Variants in FAM13B observed in about 807,000 individuals in gnomAD.
FAM13B encodes the protein family with sequence similarity 13 member B, also known as protein FAM13B.
FAM13B carries 60 observed loss-of-function variants against 117.3 expected under a neutral mutation model. The ratio of observed to expected loss-of-function variants is 0.51; its 90% confidence interval spans 0.42 to 0.63. The LOEUF is 0.63. Among genes scored for constraint, FAM13B ranks in the 30% least tolerant of loss-of-function variants. The pLI is 0.00. For missense variants in FAM13B, 972 were observed against 1,091.9 expected (o/e 0.89, Z 1.55); for synonymous variants, 332 against 356.1 (o/e 0.93, Z 0.76).
In FAM13B at chr5:137,946,222, T is replaced by G. The variant is rs766873343; in HGVS notation, c.2244+6A>C. 4.4e-6 allele frequency: 7 copies of G among 1,576,112 alleles called. No homozygotes were observed. Among genetic ancestry groups the G allele is most frequent in the East Asian group, 2.2e-5 (1 of 44,592 alleles). Reference sequence around the variant, plus strand: ...AATCAAATCTTTTTAGCAAGAGAGATATTACCGGCCTTCCATGTTGACTTT... The same window carrying G: ...AATCAAATCTTTTTAGCAAGAGAGAGATTACCGGCCTTCCATGTTGACTTT... On this transcript the variant is annotated splice_donor_region_variant and intron_variant, in intron 19 of 23. Transcript: ENST00000689681.
rs1288247257 is a variant in FAM13B, at chr5:137,999,524, C to T, written c.848+7466G>A. 2.0e-5 allele frequency among the ~76,000 whole-genome samples: 3 copies of T among 151,852 alleles called. No homozygotes were observed. The East Asian group carries it at 5.8e-4, about 29-fold the overall frequency. Reference sequence around the variant, plus strand: ...CCAGGAGGCGGAGGCTGCAGTGAGCCGAGATCACACCACTGCACTCCAGCC... The same window carrying T: ...CCAGGAGGCGGAGGCTGCAGTGAGCTGAGATCACACCACTGCACTCCAGCC... On this transcript the variant is annotated intron_variant, in intron 7 of 23. Transcript: ENST00000689681.
intron 7 of FAM13B, among the ~76,000 whole-genome samples, chr5:138,000,950 A>C (rs1242286193): frequency 6.6e-6 from 1 of 151,800 alleles, no homozygotes; most frequent in African/African-American, 2.4e-5. Flanking sequence ...AAACAAAAAA[A>C]AAAAAAACAG....
At chr5:137,967,460 T>G (rs1397101762) in intron 10 of FAM13B, among the ~76,000 whole-genome samples, 1 of 151,728 alleles carries the variant, frequency 6.6e-6, no homozygotes, top group Non-Finnish European at 1.5e-5. Context: ...GAGGCGGAGG[T>G]TGCAGTGGGC....
intron 4 of FAM13B, among the ~76,000 whole-genome samples, chr5:138,014,429 G>A (rs1784791116): frequency 6.6e-6 from 1 of 152,200 alleles, no homozygotes; most frequent in Non-Finnish European, 1.5e-5. Flanking sequence ...TGTGAACTAT[G>A]CATGCAAGGG....
At chr5:137,950,713 TGCA>T (rs1409902425) in intron 17 of FAM13B, among the ~76,000 whole-genome samples, 2 of 151,868 alleles carry the variant, frequency 1.3e-5, no homozygotes, top group African/African-American at 4.8e-5. Context: ...CTGACTACCA[TGCA>T]GCAGACGGAC....
chr5:138,001,067 T>C (rs1781146197), intron 7 of FAM13B, among the ~76,000 whole-genome samples: 1 of 152,136 alleles, frequency 6.6e-6, no homozygotes, highest in Non-Finnish European at 1.5e-5. Flanking sequence ...CACATTAACA[T>C]AAGCTCATTG....
intron 10 of FAM13B, among the ~76,000 whole-genome samples, chr5:137,978,162 G>C (rs1210986424): frequency 6.6e-6 from 1 of 151,234 alleles, no homozygotes; most frequent in African/African-American, 2.4e-5. Flanking sequence ...CCTATGATAT[G>C]GATATACTAT....
At chr5:138,038,888 C>G in intron 1 of FAM13B, among the ~76,000 whole-genome samples, 1 of 152,292 alleles carries the variant, frequency 6.6e-6, no homozygotes, top group South Asian at 2.1e-4. Context: ...CCTGGAAAAG[C>G]TTCATCTTAC....
intron 17 of FAM13B, among the ~76,000 whole-genome samples, chr5:137,952,295 T>C (rs1765253765): frequency 6.6e-6 from 1 of 152,054 alleles, no homozygotes; most frequent in Non-Finnish European, 1.5e-5. Flanking sequence ...CCAACAAAAC[T>C]CAAAGCTGCT....
At chr5:137,978,466 G>T (rs1774671087) in intron 10 of FAM13B, among the ~76,000 whole-genome samples, 1 of 150,880 alleles carries the variant, frequency 6.6e-6, no homozygotes, top group Non-Finnish European at 1.5e-5. Context: ...ATTGTTCCTG[G>T]GTATTCTTAA....
At chr5:137,954,479 T>C (rs1259519089) in intron 14 of FAM13B, 103 bp from the exon 15 acceptor site, 6 of 746,070 alleles carry the variant, frequency 8.0e-6, no homozygotes, top group East Asian at 2.7e-5. Flanking sequence ...TATCATTATG[T>C]AGTGGTTCAT....
In FAM13B at chr5:138,032,947, AGC is replaced by A. The variant is rs1267176939; in HGVS notation, c.-370_-369del. 3.0e-5 allele frequency: 30 copies of A among 985,902 alleles called. No homozygotes were observed. Among genetic ancestry groups the A allele is most frequent in the African/African-American group, 3.5e-5 (2 of 57,238 alleles). 61.1% of individuals were successfully genotyped at this position (985,902 alleles called of 1,614,324 possible). A position where few individuals can be genotyped will look rare whatever the true frequency, so the allele number is the denominator to read the frequency against. On this transcript the variant is annotated 5_prime_UTR_variant, in exon 1 of 24. Coordinates refer to ENST00000689681, the MANE Select transcript of FAM13B (RefSeq NM_001385994.1). ...AAAGCTACGGCTGTGGCGCGGGGCC[AGC>A]CCGGTAAGCGACCCCCCGGATACCC...
chr5:138,030,113 A>G (rs1789502631), intron 1 of FAM13B, among the ~76,000 whole-genome samples: 1 of 152,134 alleles, frequency 6.6e-6, no homozygotes, highest in Admixed American at 6.6e-5. Flanking sequence ...ACACTCTCCC[A>G]CGCTTCCTCC....
intron 1 of FAM13B, among the ~76,000 whole-genome samples, chr5:138,041,046 A>G (rs1423713584): frequency 1.3e-5 from 2 of 149,982 alleles, no homozygotes; most frequent in East Asian, 4.0e-4. Flanking sequence ...CCTAGGCAAC[A>G]GAGCAAGACT....
upstream of FAM13B, chr5:138,036,186 T>C (rs1210990136): frequency 5.7e-6 from 2 of 353,046 alleles, no homozygotes; most frequent in African/African-American, 4.3e-5. Flanking sequence ...TTTTAATGTT[T>C]TTCCAGCAGG....
chr5:138,033,653 G>C (rs956742072), upstream of FAM13B: 15 of 152,360 alleles, frequency 9.8e-5, no homozygotes, highest in Non-Finnish European at 2.1e-4. Flanking sequence ...CGGGCTTACA[G>C]GGAGCTTCGT....
rs189989443 is a variant in FAM13B at position 137,964,182 on chromosome 5, C to T, written c.1180-1713G>A. Among the ~76,000 whole-genome samples, 166 of 152,228 alleles carry T rather than the reference C, an allele frequency of 1.1e-3. 1 individual carries two copies. In the East Asian group the frequency reaches 0.013, roughly 12 times the overall value. ...AAGCGATTCTCCTGCCTCAGCCTCC[C>T]GAGTAGCTGGGACTACAGGTGTGGT... On this transcript the variant is annotated intron_variant, in intron 10 of 23. Transcript: ENST00000689681.
At chr5:138,022,831 C>CTT (rs751621682) in intron 1 of FAM13B, among the ~76,000 whole-genome samples, 1 of 141,068 alleles carries the variant, frequency 7.1e-6, no homozygotes. Flanking sequence ...AAGCTATTTT[C>CTT]TTTTTTTTTT....
At chr5:137,998,951 A>G (rs1266630975) in intron 7 of FAM13B, among the ~76,000 whole-genome samples, 1 of 152,198 alleles carries the variant, frequency 6.6e-6, no homozygotes, top group East Asian at 1.9e-4. Context: ...AGCCATACCT[A>G]AAGTGGCAGA....
Sources: allele counts gnomAD v4.1 joint callset (sites outside exome capture counted in the v4.1 genomes callset), GRCh38; gene constraint gnomAD v4.1.1; transcripts MANE v1.5; gene names NCBI Gene and HGNC (gene_info 2026-07-23, HGNC 2026-07-21).